FARS2: variants seen among roughly 807,000 people sequenced by gnomAD.
The protein encoded by FARS2 is phenylalanyl-tRNA synthetase 2, mitochondrial.
In FARS2, 40 loss-of-function variants were observed where a neutral mutation model predicts 46.4. That is an observed-to-expected ratio of 0.86 (90% CI 0.67 to 1.12). FARS2 has a LOEUF of 1.12. Ranked by LOEUF, FARS2 falls within the 50% of genes most tolerant of loss-of-function variation. FARS2 has a pLI of 0.00. For synonymous variants in FARS2, 234 were observed against 214.9 expected (o/e 1.09, Z -0.78); for missense variants, 513 against 567.9 (o/e 0.90, Z 0.98).
At chr6:5,730,981 A>C (rs1048837936) in intron 6 of FARS2, among the ~76,000 whole-genome samples, 1 of 152,172 alleles carries the variant, frequency 6.6e-6, no homozygotes, top group African/African-American at 2.4e-5. Flanking sequence ...ACAGACCCAC[A>C]CTGCTGGCTC....
chr6:5,721,693 G>A (rs910554042), intron 6 of FARS2, among the ~76,000 whole-genome samples: 3 of 152,188 alleles, frequency 2.0e-5, no homozygotes, highest in African/African-American at 7.2e-5. Context: ...GGGAAATATG[G>A]AGACACATTT....
At chr6:5,769,502 T>C (rs2150988247) in intron 6 of FARS2, among the ~76,000 whole-genome samples, 1 of 152,368 alleles carries the variant, frequency 6.6e-6, no homozygotes, top group East Asian at 1.9e-4. Flanking sequence ...AAAAGACCAC[T>C]CTACTTTGTG....
chr6:5,744,623 G>A (rs1761535654), intron 6 of FARS2, among the ~76,000 whole-genome samples: 1 of 152,164 alleles, frequency 6.6e-6, no homozygotes, highest in Non-Finnish European at 1.5e-5. Flanking sequence ...TATCGGGAAG[G>A]CGCTCACTTT....
chr6:5,557,938 G>A (rs780951023), intron 5 of FARS2, among the ~76,000 whole-genome samples: 1 of 152,048 alleles, frequency 6.6e-6, no homozygotes, highest in Non-Finnish European at 1.5e-5. Context: ...GCATTCAACT[G>A]ACTTAACTAT....
intron 5 of FARS2, among the ~76,000 whole-genome samples, chr6:5,566,047 G>T (rs908255480): frequency 1.3e-5 from 2 of 152,170 alleles, no homozygotes; most frequent in East Asian, 3.8e-4. Flanking sequence ...CTAAAGGGCA[G>T]ATTAGTGTCT....
chr6:5,620,920 C>A (rs967980794), intron 6 of FARS2, among the ~76,000 whole-genome samples: 7 of 152,264 alleles, frequency 4.6e-5, no homozygotes, highest in Admixed American at 4.6e-4. Flanking sequence ...TCTTACACAT[C>A]CTTCTTTATT....
intron 3 of FARS2, among the ~76,000 whole-genome samples, chr6:5,415,957 T>C (rs954206598): frequency 6.6e-6 from 1 of 152,232 alleles, no homozygotes; most frequent in Non-Finnish European, 1.5e-5. Context: ...TCTGCCCACA[T>C]TGGCCTCCCA....
intron 5 of FARS2, among the ~76,000 whole-genome samples, chr6:5,584,224 T>TC (rs1320920643): frequency 6.6e-6 from 1 of 151,596 alleles, no homozygotes; most frequent in African/African-American, 2.4e-5. Context: ...GTCAGCCCCT[T>TC]CCCACTGCCT....
intron 4 of FARS2, among the ~76,000 whole-genome samples, chr6:5,516,202 G>A (rs1768779852): frequency 6.6e-6 from 1 of 152,188 alleles, no homozygotes. Flanking sequence ...GCTCTTGAAT[G>A]TCTCTGCCCA....
intron 6 of FARS2, among the ~76,000 whole-genome samples, chr6:5,620,209 GAC>G (rs1775696105): frequency 1.3e-5 from 2 of 151,950 alleles, no homozygotes; most frequent in African/African-American, 4.8e-5. Context: ...CACGCGCACA[GAC>G]ACACACATAC....
intron 5 of FARS2, among the ~76,000 whole-genome samples, chr6:5,575,195 A>G (rs1772889884): frequency 5.3e-5 from 8 of 152,198 alleles, no homozygotes; most frequent in Admixed American, 5.2e-4. Context: ...ATAAAGCACA[A>G]AATTCCAAAC....
intron 1 of FARS2, among the ~76,000 whole-genome samples, chr6:5,278,150 C>A (rs1223988591): frequency 6.6e-6 from 1 of 152,178 alleles, no homozygotes; most frequent in African/African-American, 2.4e-5. Context: ...GATGAGAGTT[C>A]GGCTCTGGCT....
At chr6:5,327,680 G>A (rs1334064941) in intron 1 of FARS2, among the ~76,000 whole-genome samples, 7 of 152,118 alleles carry the variant, frequency 4.6e-5, no homozygotes, top group East Asian at 3.8e-4. Context: ...ACCCAATCTC[G>A]GGTATGTCTT....
chr6:5,426,337 A>G (rs1762849194), intron 3 of FARS2, among the ~76,000 whole-genome samples: 2 of 152,210 alleles, frequency 1.3e-5, no homozygotes, highest in South Asian at 4.1e-4. Context: ...AATATATAAC[A>G]CAAAATACGT....
intron 6 of FARS2, among the ~76,000 whole-genome samples, chr6:5,650,263 T>A (rs1160491295): frequency 1.6e-5 from 1 of 60,708 alleles, no homozygotes; most frequent in Non-Finnish European, 4.6e-5. Context: ...ACATTTCTTT[T>A]TTTTTTTTTT....
At chr6:5,294,590 C>CCTCTTGAA (rs1233661468) in intron 1 of FARS2, among the ~76,000 whole-genome samples, 13 of 152,298 alleles carry the variant, frequency 8.5e-5, no homozygotes, top group African/African-American at 3.1e-4. Context: ...CAAGTCCTGG[C>CCTCTTGAA]CTCTTGAACT....
At chr6:5,277,592 G>A (rs1181645632) in intron 1 of FARS2, among the ~76,000 whole-genome samples, 2 of 152,072 alleles carry the variant, frequency 1.3e-5, no homozygotes, top group Admixed American at 1.3e-4. Flanking sequence ...ACGATATATC[G>A]TATCATCTCT....
In FARS2 at chr6:5,269,101, A is replaced by T. The variant is rs190617038; in HGVS notation, c.-22+7441A>T. 2.2e-4 allele frequency among the ~76,000 whole-genome samples: 33 copies of T among 152,350 alleles called. No individual in the cohort carries two copies. The South Asian group carries it at 6.2e-3, about 29-fold the overall frequency. ...TTGGAACCAACCCAAATGTCCATCA[A>T]TGATAGACTGGATTAAGAAAATGTG... On this transcript the variant is annotated intron_variant, in intron 1 of 6. Coordinates refer to ENST00000274680, the MANE Select transcript of FARS2 (RefSeq NM_006567.5).
intron 6 of FARS2, among the ~76,000 whole-genome samples, chr6:5,770,567 G>A (rs1407103525): frequency 6.6e-6 from 1 of 152,158 alleles, no homozygotes. Context: ...ACAGGGCCAG[G>A]CCTGCCAGTT....
Sources: gnomAD v4.1 joint callset for allele counts (sites outside exome capture counted in the v4.1 genomes callset) on GRCh38, gnomAD v4.1.1 for gene constraint, MANE v1.5 for transcripts, NCBI Gene and HGNC (gene_info 2026-07-23, HGNC 2026-07-21) for gene names.